Variants in RANBP2 observed in about 807,000 individuals in gnomAD.
RANBP2 encodes E3 SUMO-protein ligase RanBP2.
In RANBP2, 57 loss-of-function variants were observed where a neutral mutation model predicts 303.6. That is an observed-to-expected ratio of 0.19 (90% CI 0.15 to 0.23). RANBP2 has a LOEUF of 0.23. Ranked by LOEUF, RANBP2 falls within the 10% of genes least tolerant of loss-of-function variation. RANBP2 has a pLI of 1.00. For missense variants in RANBP2, 3,138 were observed against 3,780.8 expected, an observed-to-expected ratio of 0.83 and a Z score of 4.46; for synonymous variants, 1,167 against 1,301.5, an observed-to-expected ratio of 0.90 and a Z score of 2.23.
chr2:109,291,368 G>A, the RANBP2 span, among the ~76,000 whole-genome samples: 1,368 of 151,688 alleles, frequency 9.0e-3, 19 homozygotes, highest in African/African-American at 0.032. Flanking sequence ...CTTTTGGTTG[G>A]ACCAGGCCCA....
the RANBP2 span, among the ~76,000 whole-genome samples, chr2:109,764,485 C>T: frequency 6.7e-6 from 1 of 149,298 alleles, no homozygotes; most frequent in African/African-American, 2.5e-5. Context: ...AAGTAGAAGA[C>T]CTTGTGCTGG....
At chr2:109,202,434 A>G in the RANBP2 span, among the ~76,000 whole-genome samples, 1 of 152,296 alleles carries the variant, frequency 6.6e-6, no homozygotes, top group East Asian at 1.9e-4. Context: ...TACAATTACT[A>G]AATGTAGTAC....
the RANBP2 span, among the ~76,000 whole-genome samples, chr2:109,694,300 T>G: frequency 6.6e-6 from 1 of 152,180 alleles, no homozygotes; most frequent in Non-Finnish European, 1.5e-5. Context: ...CAGGTAAGCT[T>G]CTTCTTTGCC....
At chr2:109,189,602 C>A in the RANBP2 span, among the ~76,000 whole-genome samples, 15 of 152,138 alleles carry the variant, frequency 9.9e-5, no homozygotes, top group Non-Finnish European at 1.9e-4. Context: ...CTCCTGACCT[C>A]ATGATCTTCC....
At chr2:109,147,116 C>T in the RANBP2 span, among the ~76,000 whole-genome samples, 1 of 152,026 alleles carries the variant, frequency 6.6e-6, no homozygotes, top group African/African-American at 2.4e-5. Context: ...GACCCTGGAG[C>T]GAGTCAGAGG....
At chr2:109,447,460 G>T in the RANBP2 span, among the ~76,000 whole-genome samples, 1,521 of 152,252 alleles carry the variant, frequency 1.0e-2, 32 homozygotes, top group African/African-American at 0.035. Flanking sequence ...TTTCTTTCAT[G>T]CTCTGAAGCC....
At chr2:109,136,205 A>G in the RANBP2 span, among the ~76,000 whole-genome samples, 35 of 151,698 alleles carry the variant, frequency 2.3e-4, no homozygotes, top group African/African-American at 8.0e-4. Context: ...TACAGTTAAC[A>G]TGATCTTTTT....
At chr2:109,113,935 A>G in the RANBP2 span, among the ~76,000 whole-genome samples, 2 of 152,196 alleles carry the variant, frequency 1.3e-5, 1 homozygote, top group South Asian at 4.1e-4. Context: ...GCTGGATTAC[A>G]TTTATTGATT....
the RANBP2 span, among the ~76,000 whole-genome samples, chr2:109,120,036 G>C: frequency 2.0e-5 from 3 of 152,378 alleles, no homozygotes; most frequent in South Asian, 6.2e-4. Flanking sequence ...GAGAAGTCCA[G>C]ATATTTGTCT....
At chr2:109,634,798 A>G in the RANBP2 span, among the ~76,000 whole-genome samples, 1,485 of 143,136 alleles carry the variant, frequency 0.01, 29 homozygotes, top group African/African-American at 0.035. Flanking sequence ...TATAACCAAT[A>G]TTTACTAAAA....
At chr2:109,232,500 A>G in the RANBP2 span, among the ~76,000 whole-genome samples, 1 of 152,178 alleles carries the variant, frequency 6.6e-6, no homozygotes, top group Non-Finnish European at 1.5e-5. Context: ...GTGAACACTG[A>G]CTGAGGGGGA....
chr2:109,198,741 A>C, the RANBP2 span, among the ~76,000 whole-genome samples: 1 of 152,114 alleles, frequency 6.6e-6, no homozygotes, highest in Non-Finnish European at 1.5e-5. Context: ...CTCATGACCT[A>C]ATCACCTTCC....
chr2:109,134,508 T>G, the RANBP2 span, among the ~76,000 whole-genome samples: 2 of 152,182 alleles, frequency 1.3e-5, no homozygotes, highest in Non-Finnish European at 2.9e-5. Flanking sequence ...GAGCACCCAG[T>G]GGGACCAGGT....
chr2:109,220,279 A>G, the RANBP2 span, among the ~76,000 whole-genome samples: 1 of 152,234 alleles, frequency 6.6e-6, no homozygotes, highest in East Asian at 1.9e-4. Context: ...TTAACTCAAA[A>G]TGGGTTAAAG....
At chr2:109,245,803 G>T in the RANBP2 span, among the ~76,000 whole-genome samples, 1 of 152,114 alleles carries the variant, frequency 6.6e-6, no homozygotes, top group African/African-American at 2.4e-5. Flanking sequence ...TGCCTCAGGG[G>T]GACCCTCAGA....
chr2:109,022,578 T>A, the RANBP2 span, among the ~76,000 whole-genome samples: 15 of 152,220 alleles, frequency 9.9e-5, no homozygotes, highest in African/African-American at 3.6e-4. Flanking sequence ...GAGAGTGGAA[T>A]AATAGACACT....
At chr2:109,312,664 T>C in the RANBP2 span, among the ~76,000 whole-genome samples, 12 of 152,338 alleles carry the variant, frequency 7.9e-5, no homozygotes, top group East Asian at 2.3e-3. Context: ...TACTTCGTAT[T>C]TTCGAAGTTC....
the RANBP2 span, among the ~76,000 whole-genome samples, chr2:109,500,097 G>A: frequency 6.6e-6 from 1 of 152,176 alleles, no homozygotes; most frequent in Non-Finnish European, 1.5e-5. Context: ...GGTGTGGCTG[G>A]AACCCACAGT....
At chr2:109,497,626 C>T in the RANBP2 span, among the ~76,000 whole-genome samples, 1 of 152,158 alleles carries the variant, frequency 6.6e-6, no homozygotes, top group Non-Finnish European at 1.5e-5. Context: ...CAACGGCGCT[C>T]TGTGTCTATA....
Sources: allele counts gnomAD v4.1 joint callset (sites outside exome capture counted in the v4.1 genomes callset), GRCh38; gene constraint gnomAD v4.1.1; transcripts MANE v1.5; gene names NCBI Gene and HGNC (gene_info 2026-07-23, HGNC 2026-07-21).